Variants in FAF1 observed in about 807,000 individuals in gnomAD.
FAF1 encodes Fas associated factor 1, also known as FAS-associated factor 1.
Under a neutral mutation model 92.5 loss-of-function variants are expected in FAF1, and 25 were observed. The observed-to-expected ratio is 0.27, with a 90% CI of 0.20 to 0.38. FAF1 has a LOEUF of 0.38. Among genes scored for constraint, FAF1 ranks in the 10% least tolerant of loss-of-function variants. The pLI is 1.00. For missense variants in FAF1, 636 were observed against 793.3 expected, an observed-to-expected ratio of 0.80 and a Z score of 2.38; for synonymous variants, 234 against 273.2, an observed-to-expected ratio of 0.86 and a Z score of 1.42.
chr1:50,543,278 G>A (rs750119969), intron 13 of FAF1, among the ~76,000 whole-genome samples: 2 of 152,048 alleles, frequency 1.3e-5, no homozygotes, highest in Non-Finnish European at 2.9e-5. Context: ...ATATTAAATG[G>A]AACCTAGCAA....
intron 6 of FAF1, among the ~76,000 whole-genome samples, chr1:50,715,524 C>A (rs1430387753): frequency 6.6e-6 from 1 of 152,176 alleles, no homozygotes; most frequent in Non-Finnish European, 1.5e-5. Flanking sequence ...CTTTAAAATT[C>A]TCAGTACTAT....
intron 18 of FAF1, among the ~76,000 whole-genome samples, chr1:50,471,496 G>A (rs1451997705): frequency 1.3e-5 from 2 of 152,116 alleles, no homozygotes; most frequent in Non-Finnish European, 2.9e-5. Context: ...CAAAAATTAT[G>A]AGTTATAGTT....
At chr1:50,632,628 A>C (rs566427599) in intron 8 of FAF1, among the ~76,000 whole-genome samples, 46 of 152,250 alleles carry the variant, frequency 3.0e-4, no homozygotes, top group Non-Finnish European at 5.7e-4. Context: ...GCAGATTCGC[A>C]TGGTTCAATT....
At chr1:50,556,094 T>C (rs1027040571) in intron 13 of FAF1, among the ~76,000 whole-genome samples, 2 of 151,660 alleles carry the variant, frequency 1.3e-5, no homozygotes, top group African/African-American at 2.4e-5. Flanking sequence ...AAAAATTAGC[T>C]GGGCTTGGTG....
intron 1 of FAF1, among the ~76,000 whole-genome samples, chr1:50,956,595 C>G (rs899126853): frequency 6.6e-6 from 1 of 152,114 alleles, no homozygotes; most frequent in Non-Finnish European, 1.5e-5. Context: ...TGCCCAGTTA[C>G]AGAAGAAATC....
At chr1:50,700,290 T>A (rs1014803483) in intron 7 of FAF1, among the ~76,000 whole-genome samples, 4 of 152,076 alleles carry the variant, frequency 2.6e-5, no homozygotes, top group Non-Finnish European at 5.9e-5. Context: ...ACCAAATCCA[T>A]TGAGCACAGA....
intron 8 of FAF1, among the ~76,000 whole-genome samples, chr1:50,648,831 T>A (rs11584472): frequency 1.3e-5 from 2 of 151,890 alleles, no homozygotes; most frequent in Non-Finnish European, 2.9e-5. Flanking sequence ...GAAGCTGAGG[T>A]AGGAGAATCA....
chr1:50,440,369 C>T lies in FAF1; in HGVS notation c.*1071G>A, dbSNP rs1646155790. 2.6e-5 allele frequency: 4 copies of T among 152,220 alleles called. No individual in the cohort carries two copies. The highest frequency in any genetic ancestry group is 2.6e-4 in the Admixed American group (4 of 15,282). The allele number at this position is 152,220 out of a possible 1,614,324, so 9.4% of individuals were successfully genotyped here. ...TCTGAGTTGAGTCCCCAAGTTTGCTCTCTTCAACATATGAAGTCTGATTTT... is the reference window on the plus strand; with the variant it reads ...TCTGAGTTGAGTCCCCAAGTTTGCTTTCTTCAACATATGAAGTCTGATTTT... On this transcript the variant is annotated 3_prime_UTR_variant, in exon 19 of 19. Coordinates refer to ENST00000396153, the MANE Select transcript of FAF1 (RefSeq NM_007051.3).
At chr1:50,831,458 C>T (rs1179336117) in intron 2 of FAF1, among the ~76,000 whole-genome samples, 1 of 152,204 alleles carries the variant, frequency 6.6e-6, no homozygotes, top group African/African-American at 2.4e-5. Flanking sequence ...GTGTCTACAT[C>T]TGCCTTCCAG....
chr1:50,930,576 C>T (rs1274952795), intron 1 of FAF1, among the ~76,000 whole-genome samples: 1 of 152,230 alleles, frequency 6.6e-6, no homozygotes, highest in Non-Finnish European at 1.5e-5. Flanking sequence ...TGGCTCAAGC[C>T]TGTAATCCCA....
chr1:50,957,491 A>G (rs1458270081), intron 1 of FAF1, among the ~76,000 whole-genome samples: 1 of 151,532 alleles, frequency 6.6e-6, no homozygotes, highest in Non-Finnish European at 1.5e-5. Context: ...AGCTGGGACT[A>G]CAGGCGCCCG....
intron 15 of FAF1, among the ~76,000 whole-genome samples, chr1:50,509,243 A>G (rs2149021948): frequency 6.6e-6 from 1 of 152,300 alleles, no homozygotes; most frequent in Non-Finnish European, 1.5e-5. Flanking sequence ...AGAGAGAGAA[A>G]AATATTTTAA....
At chr1:50,755,257 C>T (rs1399848088) in intron 4 of FAF1, among the ~76,000 whole-genome samples, 1 of 152,158 alleles carries the variant, frequency 6.6e-6, no homozygotes, top group African/African-American at 2.4e-5. Flanking sequence ...GATAAATACA[C>T]CCATTCCAAA....
intron 6 of FAF1, among the ~76,000 whole-genome samples, chr1:50,729,058 A>ATATTTTTTTT (rs1375923156): frequency 7.1e-5 from 5 of 70,116 alleles, no homozygotes; most frequent in African/African-American, 3.0e-4. Context: ...ATATATATAT[A>ATATTTTTTTT]TTTTTTTTTT....
At chr1:50,857,663 A>C (rs112616027) in intron 2 of FAF1, among the ~76,000 whole-genome samples, 272 of 151,962 alleles carry the variant, frequency 1.8e-3, no homozygotes, top group African/African-American at 6.2e-3. Flanking sequence ...TCTCCACCAA[A>C]AAATTACGTG....
At chr1:50,647,035 G>A (rs931447794) in intron 8 of FAF1, among the ~76,000 whole-genome samples, 1 of 152,032 alleles carries the variant, frequency 6.6e-6, no homozygotes, top group Admixed American at 6.6e-5. Flanking sequence ...TTTTAGTAGA[G>A]ACAGGGTTTC....
At chr1:50,724,922 G>T (rs149471119) in intron 6 of FAF1, among the ~76,000 whole-genome samples, 2,006 of 152,254 alleles carry the variant, frequency 0.013, 28 homozygotes, top group Non-Finnish European at 0.016. Context: ...CAGGTCTACT[G>T]CATCAGTCCA....
intron 1 of FAF1, among the ~76,000 whole-genome samples, chr1:50,899,847 C>T (rs928822677): frequency 6.6e-6 from 1 of 152,172 alleles, no homozygotes; most frequent in Non-Finnish European, 1.5e-5. Context: ...CCAGAGAAAG[C>T]GTTAGTATTA....
intron 18 of FAF1, among the ~76,000 whole-genome samples, chr1:50,448,914 G>A (rs1646260115): frequency 1.4e-5 from 2 of 144,980 alleles, no homozygotes; most frequent in South Asian, 4.5e-4. Flanking sequence ...AGGTTTTGAT[G>A]TAACATGATA....
Sources: gnomAD v4.1 joint callset for allele counts (sites outside exome capture counted in the v4.1 genomes callset) on GRCh38, gnomAD v4.1.1 for gene constraint, MANE v1.5 for transcripts, NCBI Gene and HGNC (gene_info 2026-07-23, HGNC 2026-07-21) for gene names.